USH2A: variants seen among roughly 807,000 people sequenced by gnomAD.
USH2A encodes the protein Usher syndrome 2A (autosomal recessive, mild).
USH2A carries 443 observed loss-of-function variants against 538.9 expected under a neutral mutation model. The observed-to-expected ratio is 0.82, with a 90% confidence interval of 0.76 to 0.89. The LOEUF (loss-of-function observed/expected upper bound fraction) is 0.89. Ranked by LOEUF, USH2A falls within the 40% of genes least tolerant of loss-of-function variation. USH2A has a pLI of 0.00. For synonymous variants in USH2A, 2,413 were observed against 2,273.5 expected, an observed-to-expected ratio of 1.06 and a Z score of -1.75; for missense variants, 6,633 against 6,324.8, an observed-to-expected ratio of 1.05 and a Z score of -1.65.
chr1:216,140,305 T>A (rs550800498), intron 21 of USH2A, among the ~76,000 whole-genome samples: 1 of 152,194 alleles, frequency 6.6e-6, no homozygotes, highest in Non-Finnish European at 1.5e-5. Context: ...CGGCACATAG[T>A]AGATGCTCAA....
intron 36 of USH2A, among the ~76,000 whole-genome samples, chr1:215,969,034 A>G (rs1302277813): frequency 6.6e-6 from 1 of 152,190 alleles, no homozygotes; most frequent in South Asian, 2.1e-4. Context: ...AGGGCTATTT[A>G]GAATACTCAG....
intron 11 of USH2A, among the ~76,000 whole-genome samples, chr1:216,283,687 A>G (rs1308313870): frequency 1.3e-5 from 2 of 152,220 alleles, no homozygotes; most frequent in African/African-American, 4.8e-5. Flanking sequence ...ATAAAATTGA[A>G]TTACTAAACA....
At chr1:215,803,865 G>A (rs1211227419) in intron 49 of USH2A, among the ~76,000 whole-genome samples, 3 of 152,044 alleles carry the variant, frequency 2.0e-5, no homozygotes, top group South Asian at 4.2e-4. Flanking sequence ...GAGGCATCAC[G>A]CTACCTGACT....
intron 13 of USH2A, among the ~76,000 whole-genome samples, chr1:216,242,360 G>GA (rs910789468): frequency 1.3e-4 from 17 of 134,760 alleles, no homozygotes; most frequent in Admixed American, 1.5e-4. Context: ...CATCTCAAAA[G>GA]AAAAAAAAAG....
chr1:215,753,103 AC>A (rs1379371799), intron 58 of USH2A, among the ~76,000 whole-genome samples: 5 of 152,220 alleles, frequency 3.3e-5, no homozygotes, highest in African/African-American at 1.2e-4. Context: ...AGTCAAAACC[AC>A]AATGAGATAC....
At chr1:215,730,314 A>G (rs954228389) in intron 60 of USH2A, among the ~76,000 whole-genome samples, 4 of 152,126 alleles carry the variant, frequency 2.6e-5, no homozygotes, top group South Asian at 2.1e-4. Flanking sequence ...GTGTTCAATC[A>G]TGTTTTTCAA....
intron 56 of USH2A, among the ~76,000 whole-genome samples, chr1:215,760,076 C>T (rs916726080): frequency 2.6e-5 from 4 of 152,196 alleles, no homozygotes; most frequent in African/African-American, 9.7e-5. Context: ...TGGATAATTT[C>T]TCTGCCTTGG....
chr1:216,061,024 T>C (rs1163448774), intron 30 of USH2A, among the ~76,000 whole-genome samples: 1 of 152,218 alleles, frequency 6.6e-6, no homozygotes, highest in Admixed American at 6.5e-5. Context: ...CCTGAGGCTC[T>C]GGCTGAGGGA....
chr1:215,709,769 T>G (rs1659286224), intron 61 of USH2A, among the ~76,000 whole-genome samples: 1 of 152,118 alleles, frequency 6.6e-6, no homozygotes, highest in Non-Finnish European at 1.5e-5. Context: ...AAGAATGTAG[T>G]TGGAGACAAA....
intron 46 of USH2A, 90 bp from the exon 47 acceptor site, chr1:215,838,193 T>C: frequency 9.8e-7 from 1 of 1,025,412 alleles, no homozygotes. Flanking sequence ...TCATTTCACA[T>C]GAATCTCTTG....
In USH2A at chr1:216,418,525, G is replaced by A. The variant is rs1178680164; in HGVS notation, c.640C>T (p.Leu214Phe). The A allele has an allele frequency of 1.2e-6, 2 of 1,613,036 alleles. No homozygotes were observed. Among genetic ancestry groups the A allele is most frequent in the Non-Finnish European group, 8.5e-7 (1 of 1,179,466 alleles). ...GRILVKKWIH[L>F]SVQVHQTKIS... is the part of the protein sequence containing the mutation. Reference sequence around the variant, plus strand: ...TTTATTTTACTCACCTGCACACTAAGATGAATCCATTTCTTCACAAGAATT... The same window carrying A: ...TTTATTTTACTCACCTGCACACTAAAATGAATCCATTTCTTCACAAGAATT... Residue 214 changes from leucine (L) to phenylalanine (F), a missense_variant, in exon 3 of 72, where the codon CTT (leucine) becomes TTT (phenylalanine). By Grantham distance (22) the Leu-to-Phe change is conservative. Transcript: ENST00000307340.
Position 215,743,302 on chromosome 1 carries a change from T to C in USH2A, c.11423A>G (p.Asn3808Ser). ...ILIPEIPVEY[N>S]VLLNDGSVTP... ...TACACTTCCATCATTGAGTAAGACA[T>C]TGTACTCCACAGGAATTTCGGGGAT... Residue 3808 changes from asparagine (N) to serine (S), a missense_variant, in exon 59 of 72, where the codon AAT becomes AGT. Physicochemically the swap from Asn to Ser is conservative, Grantham distance 46. Transcript: ENST00000307340. 4 of 1,606,714 alleles carry C rather than the reference T, an allele frequency of 2.5e-6. No homozygotes were observed. Among genetic ancestry groups the C allele is most frequent in the East Asian group, 4.5e-5 (2 of 44,430 alleles).
chr1:215,668,026 T>TC (rs934112224), intron 64 of USH2A, among the ~76,000 whole-genome samples: 1 of 152,176 alleles, frequency 6.6e-6, no homozygotes, highest in African/African-American at 2.4e-5. Context: ...GATTAATCCT[T>TC]CCCCACTGCT....
In USH2A at chr1:215,890,959, TA is replaced by T. The variant is rs200975221; in HGVS notation, c.7595-1906del. 3.3e-4 allele frequency among the ~76,000 whole-genome samples: 51 copies of T among 152,248 alleles called. No homozygotes were observed. In the South Asian group the frequency reaches 9.3e-3, roughly 28 times the overall value. On this transcript the variant is annotated intron_variant, in intron 40 of 71. Coordinates refer to ENST00000307340, the MANE Select transcript of USH2A (RefSeq NM_206933.4). The stretch of plus-strand genomic sequence containing the variant: ...TACACTTAAAAATCAGAATATTTTT[TA>T]TTAGGGTTTTCATCTGGGTCTTGCA...
chr1:216,356,798 TTTGTCTAATTATATTC>T (rs1314202303), intron 4 of USH2A, among the ~76,000 whole-genome samples: 3 of 152,130 alleles, frequency 2.0e-5, no homozygotes, highest in Non-Finnish European at 4.4e-5. Context: ...TATTTAAGTC[TTTGTCTAATTATATTC>T]TCGAGATAGT....
At chr1:216,064,053 A>G (rs897706866) in intron 30 of USH2A, among the ~76,000 whole-genome samples, 2 of 152,230 alleles carry the variant, frequency 1.3e-5, no homozygotes, top group Admixed American at 1.3e-4. Flanking sequence ...TGAACATTGT[A>G]AGGAGCACCG....
chr1:215,768,072 T>G (rs538250626), intron 55 of USH2A, among the ~76,000 whole-genome samples: 99 of 152,206 alleles, frequency 6.5e-4, no homozygotes, highest in Non-Finnish European at 1.2e-3. Context: ...CCTTCAGAGA[T>G]GTTAATGTGT....
At chr1:215,824,913 A>G (rs1250265450) in intron 47 of USH2A, among the ~76,000 whole-genome samples, 1 of 152,082 alleles carries the variant, frequency 6.6e-6, no homozygotes, top group Non-Finnish European at 1.5e-5. Context: ...GGAGATTTTC[A>G]CTTCTCTGTG....
chr1:215,879,189 A>T, intron 41 of USH2A, 91 bp from the exon 42 acceptor site: 1 of 1,139,892 alleles, frequency 8.8e-7, no homozygotes, highest in Non-Finnish European at 1.3e-6. Flanking sequence ...TCTTGTTTTC[A>T]GTTAAGTCAT....
Sources: gnomAD v4.1 joint callset for allele counts (sites outside exome capture counted in the v4.1 genomes callset) on GRCh38, gnomAD v4.1.1 for gene constraint, MANE v1.5 for transcripts, NCBI Gene and HGNC (gene_info 2026-07-23, HGNC 2026-07-21) for gene names.